Variants in CSGALNACT1 observed in about 807,000 individuals in gnomAD.
CSGALNACT1 encodes the protein beta4GalNAcT-1.
A neutral mutation model predicts 51.0 loss-of-function variants in CSGALNACT1; 52 were observed. The observed-to-expected ratio is 1.02, with a 90% CI of 0.82 to 1.29. The LOEUF is 1.29. Ranked by LOEUF, CSGALNACT1 falls within the 50% of genes most tolerant of loss-of-function variation. The pLI, the probability that CSGALNACT1 is intolerant of heterozygous loss-of-function variation, is 0.00. For missense variants in CSGALNACT1, 935 were observed against 679.2 expected (o/e 1.38, Z -4.19); for synonymous variants, 341 against 254.4 (o/e 1.34, Z -3.24).
At chr8:19,655,688 G>A (rs907842736) in intron 1 of CSGALNACT1, among the ~76,000 whole-genome samples, 1 of 151,988 alleles carries the variant, frequency 6.6e-6, no homozygotes, top group African/African-American at 2.4e-5. Context: ...AAAGTTCTGG[G>A]ATTACAGGCA....
chr8:19,406,154 A>G, intron 9 of CSGALNACT1, 85 bp from the exon 9 acceptor site: 1 of 1,485,322 alleles, frequency 6.7e-7, no homozygotes, highest in Non-Finnish European at 9.4e-7. Context: ...ACTTTTCATT[A>G]AGACATGACT....
At chr8:19,747,949 A>C (rs1318697620) in intron 1 of CSGALNACT1, among the ~76,000 whole-genome samples, 4 of 152,244 alleles carry the variant, frequency 2.6e-5, no homozygotes. Flanking sequence ...CCTGCCAAAA[A>C]GTATGCTTTA....
chr8:19,712,436 C>T (rs1181162700), intron 1 of CSGALNACT1, among the ~76,000 whole-genome samples: 1 of 152,102 alleles, frequency 6.6e-6, no homozygotes, highest in Non-Finnish European at 1.5e-5. Flanking sequence ...TAGTAGGGAA[C>T]CAGGAAAAGA....
chr8:19,445,950 G>A (rs537174774), intron 5 of CSGALNACT1, among the ~76,000 whole-genome samples: 1 of 152,190 alleles, frequency 6.6e-6, no homozygotes, highest in African/African-American at 2.4e-5. Flanking sequence ...CGAGGCAGGA[G>A]GATCACTTGA....
At chr8:19,622,149 C>G (rs1186548774) in intron 1 of CSGALNACT1, among the ~76,000 whole-genome samples, 7 of 152,218 alleles carry the variant, frequency 4.6e-5, no homozygotes, top group Admixed American at 3.9e-4. Context: ...GTATAATGCA[C>G]TCCATTGTTT....
chr8:19,717,904 G>A (rs1467314273), intron 1 of CSGALNACT1, among the ~76,000 whole-genome samples: 2 of 152,002 alleles, frequency 1.3e-5, no homozygotes, highest in Non-Finnish European at 2.9e-5. Flanking sequence ...CCTAGTCTAG[G>A]CTAGCCTCAG....
chr8:19,723,785 T>C (rs1361242051), intron 1 of CSGALNACT1, among the ~76,000 whole-genome samples: 1 of 152,166 alleles, frequency 6.6e-6, no homozygotes, highest in Non-Finnish European at 1.5e-5. Context: ...CTCTGGAAAA[T>C]GCAAGTGGCT....
chr8:19,666,449 C>T (rs2059176979), intron 1 of CSGALNACT1, among the ~76,000 whole-genome samples: 3 of 151,928 alleles, frequency 2.0e-5, no homozygotes, highest in South Asian at 2.1e-4. Context: ...AATCCCAGCA[C>T]TTTTGGAGGC....
chr8:19,420,943 C>T (rs1447798236), intron 6 of CSGALNACT1, among the ~76,000 whole-genome samples: 1 of 152,232 alleles, frequency 6.6e-6, no homozygotes, highest in African/African-American at 2.4e-5. Context: ...ATCTTTTCAT[C>T]TGCATTCACA....
At chr8:19,611,663 C>T (rs1242420339) in intron 1 of CSGALNACT1, among the ~76,000 whole-genome samples, 1 of 152,218 alleles carries the variant, frequency 6.6e-6, no homozygotes, top group African/African-American at 2.4e-5. Context: ...TGGCCCTCTT[C>T]TTCATGAACA....
At chr8:19,505,896 G>T in exon 4 of CSGALNACT1, 1 of 1,590,768 alleles carries the variant, frequency 6.3e-7, no homozygotes, top group Non-Finnish European at 8.5e-7. Flanking sequence ...CCCCACGGAA[G>T]GGCTTCCCTG....
At chr8:19,553,297 C>G (rs1022350958) in intron 3 of CSGALNACT1, among the ~76,000 whole-genome samples, 1 of 152,052 alleles carries the variant, frequency 6.6e-6, no homozygotes, top group African/African-American at 2.4e-5. Context: ...AAAAAACCTT[C>G]TGTTTATTAA....
chr8:19,742,947 T>G (rs1446706140), intron 1 of CSGALNACT1, among the ~76,000 whole-genome samples: 1 of 152,230 alleles, frequency 6.6e-6, no homozygotes, highest in Non-Finnish European at 1.5e-5. Context: ...CTTCTCCTTC[T>G]GTGGTGCAGA....
chr8:19,740,546 G>A (rs1482117962), intron 1 of CSGALNACT1, among the ~76,000 whole-genome samples: 2 of 152,182 alleles, frequency 1.3e-5, no homozygotes, highest in East Asian at 3.9e-4. Flanking sequence ...TGAGCCTGGT[G>A]TTTGGATATT....
chr8:19,500,972 G>T (rs111247520), intron 4 of CSGALNACT1, among the ~76,000 whole-genome samples: 1 of 152,098 alleles, frequency 6.6e-6, no homozygotes, highest in Admixed American at 6.5e-5. Context: ...GGCAGAGGCC[G>T]GGCACGGTGG....
intron 3 of CSGALNACT1, among the ~76,000 whole-genome samples, chr8:19,553,620 CAT>C (rs769189103): frequency 0.015 from 1,064 of 71,524 alleles, 71 homozygotes; most frequent in African/African-American, 0.074. Context: ...TATATAAATA[CAT>C]ATATATATAT....
At chr8:19,493,375 C>G (rs148127575) in intron 4 of CSGALNACT1, among the ~76,000 whole-genome samples, 1 of 152,160 alleles carries the variant, frequency 6.6e-6, no homozygotes, top group African/African-American at 2.4e-5. Flanking sequence ...TTAAAGCAGA[C>G]AAGCTAATTT....
chr8:19,484,643 A>G (rs938586371), intron 4 of CSGALNACT1, among the ~76,000 whole-genome samples: 21 of 152,220 alleles, frequency 1.4e-4, no homozygotes, highest in African/African-American at 5.1e-4. Flanking sequence ...AGATTCCCAG[A>G]TACCAAAGTT....
chr8:19,698,449 A>G (rs1380129668), intron 1 of CSGALNACT1, among the ~76,000 whole-genome samples: 1 of 152,244 alleles, frequency 6.6e-6, no homozygotes, highest in Non-Finnish European at 1.5e-5. Flanking sequence ...TATCTCATTA[A>G]TACCCATAAC....
Sources: gnomAD v4.1 joint callset for allele counts (sites outside exome capture counted in the v4.1 genomes callset) on GRCh38, gnomAD v4.1.1 for gene constraint, MANE v1.5 for transcripts, NCBI Gene and HGNC (gene_info 2026-07-23, HGNC 2026-07-21) for gene names.